The following RGS6 variants were observed in gnomAD, a reference collection of about 807,000 sequenced individuals.
RGS6 encodes the protein regulator of G-protein signaling 6.
Under a neutral mutation model 78.5 loss-of-function variants are expected in RGS6, and 30 were observed. The observed-to-expected ratio is 0.38, with a 90% CI of 0.29 to 0.52. The LOEUF (loss-of-function observed/expected upper bound fraction) is 0.52, where lower values mean the gene tolerates loss of function less well. Among genes scored for constraint, RGS6 ranks in the 20% least tolerant of loss-of-function variants. The pLI, the probability that RGS6 is intolerant of heterozygous loss-of-function variation, is 0.85. For missense variants in RGS6, 495 were observed against 609.7 expected (o/e 0.81, Z 1.98); for synonymous variants, 206 against 206.0 (o/e 1.00, Z 0.00).
chr14:71,984,252 G>A (rs1477757033), intron 2 of RGS6, among the ~76,000 whole-genome samples: 2 of 144,622 alleles, frequency 1.4e-5, no homozygotes, highest in Non-Finnish European at 3.0e-5. Context: ...ATCTAGATTT[G>A]TTGTATTCTA....
At chr14:72,165,069 C>T (rs117795679) in intron 2 of RGS6, among the ~76,000 whole-genome samples, 3 of 152,290 alleles carry the variant, frequency 2.0e-5, no homozygotes, top group Non-Finnish European at 4.4e-5. Context: ...TCATTGGTAG[C>T]TCAGCTGATA....
At chr14:72,261,754 T>G (rs2058205863) in intron 2 of RGS6, among the ~76,000 whole-genome samples, 1 of 152,156 alleles carries the variant, frequency 6.6e-6, no homozygotes, top group South Asian at 2.1e-4. Context: ...GTTTGGTGCT[T>G]CTTGTTCAAA....
chr14:72,119,231 A>T (rs1355229114), intron 2 of RGS6, among the ~76,000 whole-genome samples: 1 of 152,206 alleles, frequency 6.6e-6, no homozygotes, highest in Non-Finnish European at 1.5e-5. Flanking sequence ...ATGACTAGAT[A>T]GGAGTCGGGT....
At chr14:72,409,226 A>G (rs888677727) in intron 3 of RGS6, among the ~76,000 whole-genome samples, 1 of 152,228 alleles carries the variant, frequency 6.6e-6, no homozygotes, top group Non-Finnish European at 1.5e-5. Flanking sequence ...TTATGTGAGC[A>G]TTAGAGGATT....
At chr14:72,288,972 TG>T in intron 2 of RGS6, among the ~76,000 whole-genome samples, 1 of 152,270 alleles carries the variant, frequency 6.6e-6, no homozygotes, top group East Asian at 1.9e-4. Flanking sequence ...GTCCTTGAAA[TG>T]GCATAGAAGA....
In RGS6 at chr14:72,562,831, C is replaced by T; in HGVS notation, c.*364C>T. The T allele has an allele frequency of 7.5e-7, 1 of 1,340,256 alleles. No homozygotes were observed. 83.0% of individuals were successfully genotyped at this position (1,340,256 alleles called of 1,614,324 possible). On this transcript the variant is annotated 3_prime_UTR_variant, in exon 18 of 18. Coordinates refer to ENST00000553525, the MANE Select transcript of RGS6 (RefSeq NM_001204424.2). ...GAGATTATATTATTATCCTCACTCC[C>T]TCGCTGTCTGGAGACGGTCACACCT...
the RGS6 span, among the ~76,000 whole-genome samples, chr14:72,577,801 C>T: frequency 6.6e-6 from 1 of 152,188 alleles, no homozygotes; most frequent in Non-Finnish European, 1.5e-5. Context: ...CTGAGAGACA[C>T]AGGAGGAGCA....
At chr14:72,606,322 T>A in the RGS6 span, among the ~76,000 whole-genome samples, 57 of 152,272 alleles carry the variant, frequency 3.7e-4, 1 homozygote, top group South Asian at 0.011. Context: ...GCTGACTTTA[T>A]AGAAACTCAT....
chr14:72,614,014 G>A, the RGS6 span, among the ~76,000 whole-genome samples: 1 of 152,062 alleles, frequency 6.6e-6, no homozygotes, highest in South Asian at 2.1e-4. Context: ...CAGACCAGAG[G>A]GTCTCCAGCC....
Position 72,225,179 on chromosome 14 carries a change from C to T in RGS6, c.85-126916C>T, listed in dbSNP as rs1052595231. On this transcript the variant is annotated intron_variant, in intron 2 of 17. Transcript: ENST00000553525. ...GGGTCGGGCTTAGCCTTTATATTTA[C>T]GTTTTATCACTGCAAATGAAGATGA... 6.6e-5 allele frequency among the ~76,000 whole-genome samples: 10 copies of T among 152,190 alleles called. No homozygotes were observed. The South Asian group carries it at 1.0e-3, about 16-fold the overall frequency.
intron 2 of RGS6, among the ~76,000 whole-genome samples, chr14:72,052,241 A>G (rs1041514109): frequency 2.6e-5 from 4 of 152,218 alleles, no homozygotes; most frequent in Non-Finnish European, 5.9e-5. Flanking sequence ...GTCACAATAT[A>G]TGGACAACAG....
At position 72,202,336 on chromosome 14, in the gene RGS6, T is replaced by G. The variant is rs144357242; in HGVS notation, c.85-149759T>G. Among the ~76,000 whole-genome samples, 531 of 152,022 alleles carry G rather than the reference T, an allele frequency of 3.5e-3. 3 individuals carry two copies. Among genetic ancestry groups the G allele is most frequent in the African/African-American group, 0.012 (505 of 41,452 alleles). ...ATACAGAATCTCTTAGGAAGAGGAG[T>G]GGCCACAGAGAACAAGAGCATATAT... On this transcript the variant is annotated intron_variant, in intron 2 of 17. Coordinates refer to ENST00000553525, the MANE Select transcript of RGS6 (RefSeq NM_001204424.2).
At chr14:72,372,955 G>T (rs183767145) in intron 3 of RGS6, among the ~76,000 whole-genome samples, 1 of 152,110 alleles carries the variant, frequency 6.6e-6, no homozygotes, top group African/African-American at 2.4e-5. Context: ...AGGCAAATAG[G>T]GCCCATATTG....
At chr14:72,037,839 C>T (rs2091930877) in intron 2 of RGS6, among the ~76,000 whole-genome samples, 1 of 152,170 alleles carries the variant, frequency 6.6e-6, no homozygotes, top group South Asian at 2.1e-4. Flanking sequence ...GTGAATTTTA[C>T]TGTATGTGAG....
At chr14:72,416,144 CAAAA>C (rs5809572) in intron 3 of RGS6, among the ~76,000 whole-genome samples, 1 of 97,170 alleles carries the variant, frequency 1.0e-5, no homozygotes. Flanking sequence ...GACTCTGTCT[CAAAA>C]AAAAAAAAAA....
At chr14:72,273,389 T>C (rs192622276) in intron 2 of RGS6, among the ~76,000 whole-genome samples, 327 of 152,268 alleles carry the variant, frequency 2.1e-3, no homozygotes, top group African/African-American at 6.6e-3. Flanking sequence ...TTCATTTTTT[T>C]CCCTCTTTAA....
intron 2 of RGS6, among the ~76,000 whole-genome samples, chr14:71,993,026 G>C (rs980399035): frequency 3.3e-5 from 5 of 152,152 alleles, no homozygotes; most frequent in African/African-American, 2.4e-5. Flanking sequence ...GCTACATGAC[G>C]TGTTATGAAC....
At position 72,226,349 on chromosome 14, in the gene RGS6, T is replaced by C. The variant is rs535031306; in HGVS notation, c.85-125746T>C. Among the ~76,000 whole-genome samples, 17 of 152,330 alleles carry C rather than the reference T, an allele frequency of 1.1e-4. No homozygotes were observed. The South Asian group carries it at 3.3e-3, about 30-fold the overall frequency. On this transcript the variant is annotated intron_variant, in intron 2 of 17. Transcript: ENST00000553525. ...GCATATTTTCTCAGACATTAAAATT[T>C]TAAAATCTAGATGTCATATCAAAGT...
At chr14:72,077,111 G>A (rs1360106493) in intron 2 of RGS6, among the ~76,000 whole-genome samples, 1 of 151,572 alleles carries the variant, frequency 6.6e-6, no homozygotes, top group Admixed American at 6.6e-5. Flanking sequence ...GCCAACACTG[G>A]TTATTTATAA....
Sources: gnomAD v4.1 joint callset for allele counts (sites outside exome capture counted in the v4.1 genomes callset) on GRCh38, gnomAD v4.1.1 for gene constraint, MANE v1.5 for transcripts, NCBI Gene and HGNC (gene_info 2026-07-23, HGNC 2026-07-21) for gene names.